The following DARS1 variants were observed in gnomAD, a reference collection of about 807,000 sequenced individuals.
DARS1 encodes aspartyl-tRNA synthetase 1.
Under a neutral mutation model 68.8 loss-of-function variants are expected in DARS1, and 51 were observed. The observed-to-expected ratio is 0.74, with a 90% CI of 0.59 to 0.94. The LOEUF is 0.94. Among genes scored for constraint, DARS1 ranks in the 40% least tolerant of loss-of-function variants. The pLI is 0.00. For missense variants in DARS1, 607 were observed against 597.3 expected (o/e 1.02, Z -0.17); for synonymous variants, 203 against 190.4 (o/e 1.07, Z -0.55).
At chr2:135,919,399 C>G (rs959273447) in intron 10 of DARS1, among the ~76,000 whole-genome samples, 5 of 152,160 alleles carry the variant, frequency 3.3e-5, no homozygotes, top group African/African-American at 1.2e-4. Flanking sequence ...TTTTTGAACT[C>G]TTTTAAAATA....
chr2:135,981,674 C>CTTTTTTTTT (rs1312008531), intron 2 of DARS1, among the ~76,000 whole-genome samples: 2 of 140,564 alleles, frequency 1.4e-5, no homozygotes, highest in African/African-American at 5.3e-5. Context: ...GAAATTTTGG[C>CTTTTTTTTT]TTTTTTTTTT....
chr2:135,916,209 A>G lies in DARS1; in HGVS notation c.1106+17T>C, dbSNP rs1189211836. 2 of 1,523,348 alleles carry G rather than the reference A, an allele frequency of 1.3e-6. No homozygotes were observed. Among genetic ancestry groups the G allele is most frequent in the Non-Finnish European group, 1.8e-6 (2 of 1,102,688 alleles). The allele number at this position is 1,523,348 out of a possible 1,614,324, so 94.4% of individuals were successfully genotyped here. On this transcript the variant is annotated intron_variant, in intron 11 of 15. Transcript: ENST00000264161. Reference sequence around the variant, plus strand: ...GATCCTGGAACTTAAAGTAAAAAAAAAGCCACAAAGACAAACCTCAGATCG... The same window carrying G: ...GATCCTGGAACTTAAAGTAAAAAAAGAGCCACAAAGACAAACCTCAGATCG...
intron 12 of DARS1, among the ~76,000 whole-genome samples, chr2:135,914,113 T>C (rs1680951999): frequency 6.6e-6 from 1 of 152,236 alleles, no homozygotes; most frequent in Non-Finnish European, 1.5e-5. Context: ...CTCATTCATC[T>C]TGAAGTCTCA....
rs1680797054 is a variant in DARS1, at chr2:135,907,099, T to C, written c.*217A>G. ...ATGCATGTCTGAAGTTATAAAAATC[T>C]CTTTTAAACGAACCTATACTGAATT... is the stretch of plus-strand genomic sequence containing the variant. On this transcript the variant is annotated 3_prime_UTR_variant, in exon 16 of 16. Coordinates refer to ENST00000264161, the MANE Select transcript of DARS1 (RefSeq NM_001349.4). The C allele has an allele frequency of 6.2e-6, 2 of 324,056 alleles. No individual in the cohort carries two copies. The highest frequency in any genetic ancestry group is 4.3e-5 in the African/African-American group (2 of 45,988). 20.1% of individuals were successfully genotyped at this position (324,056 alleles called of 1,614,324 possible).
intron 3 of DARS1, among the ~76,000 whole-genome samples, chr2:135,973,112 A>G (rs1682417155): frequency 6.6e-6 from 1 of 152,226 alleles, no homozygotes; most frequent in African/African-American, 2.4e-5. Context: ...TCGAAGAGAT[A>G]TCTGCACTCT....
In DARS1 at chr2:135,912,506, TG is replaced by T; in HGVS notation, c.1209del (p.Met404CysfsTer17). ...KYPLAVRPFY[T>X]MPDPRNPKQS... ...CTTACGGGATTTCTTGGGTCAGGCATGGTATAGAAAGGTCTTACAGCCAATG... is the reference window on the plus strand; with the variant it reads ...CTTACGGGATTTCTTGGGTCAGGCATGTATAGAAAGGTCTTACAGCCAATG... On this transcript the variant is annotated frameshift_variant, in exon 13 of 16. Coordinates refer to ENST00000264161, the MANE Select transcript of DARS1 (RefSeq NM_001349.4). LOFTEE classifies it high-confidence loss of function. The T allele has an allele frequency of 1.8e-6, 2 of 1,111,890 alleles. No individual in the cohort carries two copies. The highest frequency in any genetic ancestry group is 2.7e-6 in the Non-Finnish European group (2 of 738,814). 68.9% of individuals were successfully genotyped at this position (1,111,890 alleles called of 1,614,324 possible).
intron 3 of DARS1, among the ~76,000 whole-genome samples, chr2:135,972,442 G>C (rs536611309): frequency 6.6e-6 from 1 of 152,134 alleles, no homozygotes; most frequent in African/African-American, 2.4e-5. Context: ...ATGAATTGAA[G>C]ACTTAAATCT....
In DARS1 at chr2:135,961,489, C is replaced by T. The variant is rs552946383; in HGVS notation, c.227G>A (p.Cys76Tyr). 3.5e-6 allele frequency: 5 copies of T among 1,436,334 alleles called. No homozygotes were observed. The South Asian group carries it at 5.7e-5, about 16-fold the overall frequency. The allele number at this position is 1,436,334 out of a possible 1,614,324, so 89.0% of individuals were successfully genotyped here. ...VHTSRAKGKQ[C>Y]FLVLRQQQFN... ...CTGCTGCTGACGTAGGACTAAGAAG[C>T]ACTGTTTCCCTGAAAAAGACAGAAA... Residue 76 changes from cysteine (C) to tyrosine (Y), a missense_variant, in exon 4 of 16, where the codon TGC becomes TAC. Physicochemically the swap from Cys to Tyr is radical, Grantham distance 194. Transcript: ENST00000264161.
At chr2:135,985,269 C>T in intron 1 of DARS1, 134 bp downstream of exon 1, 1 of 1,406,004 alleles carries the variant, frequency 7.1e-7, no homozygotes, top group South Asian at 1.5e-5. Flanking sequence ...CTCTAGGCGC[C>T]CGGACCCCAC....
At chr2:135,960,916 C>T (rs1319985762) in intron 4 of DARS1, among the ~76,000 whole-genome samples, 1 of 152,148 alleles carries the variant, frequency 6.6e-6, no homozygotes, top group Non-Finnish European at 1.5e-5. Context: ...CTTTTGGTGT[C>T]AAAGCTAAAA....
At position 135,907,356 on chromosome 2, in the gene DARS1, G is replaced by A; in HGVS notation, c.1466C>T (p.Thr489Ile). 1 of 1,611,740 alleles carries A rather than the reference G, an allele frequency of 6.2e-7. No individual in the cohort carries two copies. The highest frequency in any genetic ancestry group is 8.5e-7 in the Non-Finnish European group (1 of 1,178,968). The change falls in exon 16 of 16, where the codon ACC (threonine) becomes ATC (isoleucine). Residue 489 changes from threonine to isoleucine, a missense_variant. Physicochemically the swap from Thr to Ile is moderately conservative, Grantham distance 89 (BLOSUM62 -1). Transcript: ENST00000264161. Reference protein sequence around the residue: ...LFLGLHNVRQTSMFPRDPKRL... With the variant: ...LFLGLHNVRQISMFPRDPKRL... ...TTTGGGATCACGAGGGAACATGGAG[G>A]TCTGACGAACATTATGCAATCCCAG...
chr2:135,959,511 G>A (rs896199029), intron 4 of DARS1, among the ~76,000 whole-genome samples: 2 of 150,414 alleles, frequency 1.3e-5, no homozygotes, highest in Admixed American at 1.3e-4. Flanking sequence ...ATTTTATGAG[G>A]GCATTAGTGA....
chr2:135,981,993 T>C (rs1682642771), intron 2 of DARS1, among the ~76,000 whole-genome samples: 1 of 152,198 alleles, frequency 6.6e-6, no homozygotes, highest in South Asian at 2.1e-4. Flanking sequence ...TGTGATCATG[T>C]GGCAAATCAA....
chr2:135,942,321 G>A (rs1465211324), intron 5 of DARS1, among the ~76,000 whole-genome samples: 3 of 152,060 alleles, frequency 2.0e-5, no homozygotes, highest in Non-Finnish European at 1.5e-5. Flanking sequence ...ATACTATGCA[G>A]CCATAAAAAA....
In DARS1 at chr2:135,911,448, A is replaced by G. The variant is rs1428721672; in HGVS notation, c.1276T>C (p.Leu426=). ...YDMFMRGEEI[L]SGAQRIHDPQ... Reference sequence around the variant, plus strand: ...TCATGTATTCTTTGAGCTCCTGACAATATTTCTTCTCCTCTCATGAACATA... The same window carrying G: ...TCATGTATTCTTTGAGCTCCTGACAGTATTTCTTCTCCTCTCATGAACATA... The change falls in exon 14 of 16, where the codon TTG becomes CTG. Residue 426 remains leucine (L), a synonymous_variant. Transcript: ENST00000264161. 1 of 1,098,422 alleles carries G rather than the reference A, an allele frequency of 9.1e-7. No individual in the cohort carries two copies. Among genetic ancestry groups the G allele is most frequent in the East Asian group, 2.3e-5 (1 of 42,626 alleles). 68.0% of individuals were successfully genotyped at this position (1,098,422 alleles called of 1,614,324 possible). A position where few individuals can be genotyped will look rare whatever the true frequency, so the allele number is the denominator to read the frequency against.
At chr2:135,917,398 G>A (rs985482146) in intron 10 of DARS1, among the ~76,000 whole-genome samples, 1 of 152,014 alleles carries the variant, frequency 6.6e-6, no homozygotes, top group African/African-American at 2.4e-5. Context: ...AAAAAAGTAT[G>A]TTTATATTCT....
At chr2:135,970,583 A>C (rs998536969) in intron 3 of DARS1, among the ~76,000 whole-genome samples, 10 of 152,074 alleles carry the variant, frequency 6.6e-5, no homozygotes, top group Admixed American at 6.5e-4. Context: ...AACTGAACCC[A>C]AAATCAGAAG....
chr2:135,966,202 A>G (rs912619106), intron 3 of DARS1, among the ~76,000 whole-genome samples: 2 of 152,068 alleles, frequency 1.3e-5, no homozygotes, highest in Admixed American at 6.5e-5. Flanking sequence ...ACACACAAGA[A>G]AGAACAGTGG....
intron 10 of DARS1, among the ~76,000 whole-genome samples, chr2:135,917,585 C>T (rs537169806): frequency 1.3e-5 from 2 of 149,364 alleles, no homozygotes; most frequent in African/African-American, 5.1e-5. Context: ...AATCGATCCT[C>T]CCACCTGAAG....
Sources: allele counts gnomAD v4.1 joint callset (sites outside exome capture counted in the v4.1 genomes callset), GRCh38; gene constraint gnomAD v4.1.1; transcripts MANE v1.5; gene names NCBI Gene and HGNC (gene_info 2026-07-23, HGNC 2026-07-21).